AIDA: variants seen among roughly 807,000 people sequenced by gnomAD.
The protein encoded by AIDA is axin interactor, dorsalization associated, also known as axin interactor, dorsalization-associated protein.
AIDA carries 18 observed loss-of-function variants against 42.7 expected under a neutral mutation model. The ratio of observed to expected loss-of-function variants is 0.42; its 90% confidence interval spans 0.29 to 0.63. The LOEUF is 0.63. Among genes scored for constraint, AIDA ranks in the 20% least tolerant of loss-of-function variants. The pLI is 0.19. For synonymous variants in AIDA, 104 were observed against 122.9 expected, an observed-to-expected ratio of 0.85 and a Z score of 1.02; for missense variants, 250 against 354.1, an observed-to-expected ratio of 0.71 and a Z score of 2.36.
In AIDA at chr1:222,699,077, G is replaced by A. The variant is rs558750486; in HGVS notation, c.180+4071C>T. 1.9e-4 allele frequency among the ~76,000 whole-genome samples: 29 copies of A among 151,870 alleles called. No homozygotes were observed. The South Asian group carries it at 4.8e-3, about 25-fold the overall frequency. On this transcript the variant is annotated intron_variant, in intron 2 of 9. Transcript: ENST00000340020. ...CCTGACCTCATGATCTGCCTCACTC[G>A]GCCTCCCAAAGTGCTGCGATTACAG...
At chr1:222,682,264 C>T (rs1008760357) in intron 6 of AIDA, among the ~76,000 whole-genome samples, 59 of 152,128 alleles carry the variant, frequency 3.9e-4, no homozygotes, top group Non-Finnish European at 2.9e-5. Flanking sequence ...GGTCTTTGTT[C>T]TAAAATAGTA....
At chr1:222,699,044 C>T (rs1350950139) in intron 2 of AIDA, among the ~76,000 whole-genome samples, 2 of 152,176 alleles carry the variant, frequency 1.3e-5, no homozygotes, top group Non-Finnish European at 2.9e-5. Context: ...CCAGGACAGT[C>T]TCGATCTCCT....
chr1:222,692,204 G>C (rs1655391588), intron 4 of AIDA, among the ~76,000 whole-genome samples: 1 of 152,118 alleles, frequency 6.6e-6, no homozygotes. Flanking sequence ...GAAGGGGAGA[G>C]GTGAGTTTAT....
At chr1:222,708,516 C>A (rs188099234) in intron 1 of AIDA, among the ~76,000 whole-genome samples, 4 of 151,818 alleles carry the variant, frequency 2.6e-5, no homozygotes, top group African/African-American at 9.6e-5. Flanking sequence ...TACAGGCACA[C>A]GCCACCACGC....
chr1:222,694,366 G>T, intron 2 of AIDA, 103 bp from the exon 3 acceptor site: 1 of 1,003,196 alleles, frequency 1.0e-6, no homozygotes, highest in Non-Finnish European at 1.5e-6. Flanking sequence ...ATTCTCTTAA[G>T]TAAGTTAAAT....
chr1:222,712,015 C>T, intron 1 of AIDA, 193 bp downstream of exon 1: 1 of 742,366 alleles, frequency 1.3e-6, no homozygotes, highest in Non-Finnish European at 2.2e-6. Context: ...GGCGAGTCAC[C>T]CCAGAGAGCG....
Position 222,685,428 on chromosome 1 carries a change from C to T in AIDA, c.460+1502G>A, listed in dbSNP as rs146250062. 1.1e-3 allele frequency among the ~76,000 whole-genome samples: 168 copies of T among 152,242 alleles called. 1 individual carries two copies. The highest frequency in any genetic ancestry group is 3.6e-3 in the African/African-American group (148 of 41,554). ...AGCCCAGTTATCTGTTGGTCCAAGC[C>T]TATATTGTTCCTACTCCAAATGACT... On this transcript the variant is annotated intron_variant, in intron 6 of 9. Coordinates refer to ENST00000340020, the MANE Select transcript of AIDA (RefSeq NM_022831.4).
intron 1 of AIDA, among the ~76,000 whole-genome samples, chr1:222,707,198 G>T (rs1179295420): frequency 6.6e-6 from 1 of 151,832 alleles, no homozygotes; most frequent in Non-Finnish European, 1.5e-5. Context: ...AAACAACTTG[G>T]GCAGGCTGGA....
At chr1:222,705,578 G>A (rs541469595) in intron 1 of AIDA, among the ~76,000 whole-genome samples, 2 of 152,250 alleles carry the variant, frequency 1.3e-5, no homozygotes, top group South Asian at 2.1e-4. Flanking sequence ...GATTCAAAAG[G>A]AATCTTGCAT....
chr1:222,688,271 TTCCTCTC>T (rs142597906), intron 4 of AIDA, among the ~76,000 whole-genome samples: 2,457 of 152,290 alleles, frequency 0.016, 66 homozygotes, highest in African/African-American at 0.055. Context: ...GTCCTGAGAT[TTCCTCTC>T]AATGCCATCA....
intron 2 of AIDA, among the ~76,000 whole-genome samples, chr1:222,699,602 T>G (rs1571938915): frequency 6.6e-6 from 1 of 152,190 alleles, no homozygotes; most frequent in Non-Finnish European, 1.5e-5. Context: ...TATTAATTTT[T>G]CAGAACCAAT....
At chr1:222,674,889 TA>T (rs903318393) in intron 7 of AIDA, among the ~76,000 whole-genome samples, 2 of 152,224 alleles carry the variant, frequency 1.3e-5, no homozygotes, top group African/African-American at 4.8e-5. Context: ...AAAGGTAACT[TA>T]ACAGTTACTA....
chr1:222,700,246 C>T (rs1655652344), intron 2 of AIDA, among the ~76,000 whole-genome samples: 1 of 152,096 alleles, frequency 6.6e-6, no homozygotes, highest in Non-Finnish European at 1.5e-5. Flanking sequence ...AGAAATCAGG[C>T]CTCCAGTAAA....
At chr1:222,711,068 GA>G (rs1656006129) in intron 1 of AIDA, among the ~76,000 whole-genome samples, 1 of 126,056 alleles carries the variant, frequency 7.9e-6, no homozygotes, top group Admixed American at 1.0e-4. Context: ...ATTCTTGCCA[GA>G]AATCGTTGTG....
intron 8 of AIDA, among the ~76,000 whole-genome samples, chr1:222,672,981 A>C (rs1056505960): frequency 2.6e-5 from 4 of 152,192 alleles, no homozygotes; most frequent in African/African-American, 9.6e-5. Context: ...CTGGTTCTTA[A>C]TTTGAAGATG....
chr1:222,668,920 C>G lies in AIDA; in HGVS notation c.*973G>C, dbSNP rs1327713158. ...ATCTAAATAGGAAATAAATGGCGAT[C>G]CTATCTACCTATATAAAAAAAATAG... On this transcript the variant is annotated 3_prime_UTR_variant, in exon 10 of 10. Coordinates refer to ENST00000340020, the MANE Select transcript of AIDA (RefSeq NM_022831.4). The G allele has an allele frequency of 4.6e-5, 7 of 151,378 alleles. No homozygotes were observed. Among genetic ancestry groups the G allele is most frequent in the Admixed American group, 4.6e-4 (7 of 15,170 alleles). 9.4% of individuals were successfully genotyped at this position (151,378 alleles called of 1,614,324 possible).
intron 2 of AIDA, 91 bp downstream of exon 2, chr1:222,703,057 G>C: frequency 9.7e-7 from 1 of 1,028,636 alleles, no homozygotes; most frequent in Non-Finnish European, 1.4e-6. Flanking sequence ...TTTTGTTTTT[G>C]TTTTGTTGTT....
intron 1 of AIDA, among the ~76,000 whole-genome samples, chr1:222,710,884 A>G (rs1238863348): frequency 3.9e-5 from 6 of 152,254 alleles, no homozygotes; most frequent in African/African-American, 1.4e-4. Flanking sequence ...AACAAATGCT[A>G]GTAGTTGTTA....
At chr1:222,674,064 G>A (rs1664502798) in intron 7 of AIDA, among the ~76,000 whole-genome samples, 1 of 152,204 alleles carries the variant, frequency 6.6e-6, no homozygotes, top group South Asian at 2.1e-4. Context: ...TCCAGCCTGG[G>A]CAGTAAGAGT....
Sources: allele counts gnomAD v4.1 joint callset (sites outside exome capture counted in the v4.1 genomes callset), GRCh38; gene constraint gnomAD v4.1.1; transcripts MANE v1.5; gene names NCBI Gene and HGNC (gene_info 2026-07-23, HGNC 2026-07-21).